The following ANO2 variants were observed in gnomAD, a reference collection of about 807,000 sequenced individuals.
The protein encoded by ANO2 is anoctamin-2.
In ANO2, 101 loss-of-function variants were observed where a neutral mutation model predicts 124.2. The ratio of observed to expected loss-of-function variants is 0.81; its 90% CI spans 0.69 to 0.96. The LOEUF (loss-of-function observed/expected upper bound fraction) is 0.96, where lower values mean the gene tolerates loss of function less well. Among genes scored for constraint, ANO2 ranks in the 40% least tolerant of loss-of-function variants. ANO2 has a pLI of 0.00. For synonymous variants in ANO2, 486 were observed against 482.5 expected, an observed-to-expected ratio of 1.01 and a Z score of -0.09; for missense variants, 1,293 against 1,274.5, an observed-to-expected ratio of 1.01 and a Z score of -0.22.
At chr12:5,806,137 A>C (rs957676167) in intron 8 of ANO2, 44 bp from the exon 9 acceptor site, 2 of 1,578,734 alleles carry the variant, frequency 1.3e-6, no homozygotes, top group Non-Finnish European at 1.7e-6. Context: ...TGAAATTACC[A>C]GAAGCAGGTG....
intron 6 of ANO2, among the ~76,000 whole-genome samples, chr12:5,828,163 G>C (rs1404214982): frequency 6.6e-6 from 1 of 152,222 alleles, no homozygotes; most frequent in African/African-American, 2.4e-5. Context: ...GGGCTGGGAG[G>C]AAGCCCTGGG....
At chr12:5,744,345 G>A (rs1951203153) in intron 11 of ANO2, 28 bp from the exon 12 acceptor site, 1 of 1,613,102 alleles carries the variant, frequency 6.2e-7, no homozygotes, top group Admixed American at 1.7e-5. Context: ...TGTTGGGTCA[G>A]GTGGAGCTCA....
At chr12:5,643,417 A>G (rs1946480738) in intron 15 of ANO2, among the ~76,000 whole-genome samples, 1 of 152,158 alleles carries the variant, frequency 6.6e-6, no homozygotes, top group African/African-American at 2.4e-5. Context: ...ATTTAATTGT[A>G]TGAATATGCC....
At chr12:5,885,738 T>C (rs951533752) in intron 3 of ANO2, among the ~76,000 whole-genome samples, 2 of 152,130 alleles carry the variant, frequency 1.3e-5, no homozygotes, top group African/African-American at 2.4e-5. Context: ...TAATGAGCCA[T>C]GATGGGGATA....
In ANO2 at chr12:5,743,145, G is replaced by A. The variant is rs75833270; in HGVS notation, c.1351+1012C>T. 9.2e-3 allele frequency among the ~76,000 whole-genome samples: 1,399 copies of A among 152,152 alleles called. 22 individuals carry two copies. Among genetic ancestry groups the A allele is most frequent in the African/African-American group, 0.032 (1,330 of 41,494 alleles). Reference sequence around the variant, plus strand: ...TGTTCTAGTTCTCCTAAGAACCACCGAGAACAGGCCTCTCCCTCTCCTCCT... The same window carrying A: ...TGTTCTAGTTCTCCTAAGAACCACCAAGAACAGGCCTCTCCCTCTCCTCCT... On this transcript the variant is annotated intron_variant, in intron 12 of 24. Transcript: ENST00000682330.
chr12:5,690,677 G>A (rs1015943859), intron 14 of ANO2, among the ~76,000 whole-genome samples: 1 of 152,150 alleles, frequency 6.6e-6, no homozygotes, highest in African/African-American at 2.4e-5. Context: ...AGAACACATA[G>A]GCTGGGAGTG....
In ANO2 at chr12:5,916,553, TTAATGA is replaced by T. The variant is rs1941391212; in HGVS notation, c.534+4481_534+4486del. Among the ~76,000 whole-genome samples the T allele has an allele frequency of 2.7e-5, 4 of 150,190 alleles. 1 individual carries two copies. The South Asian group carries it at 8.5e-4, about 32-fold the overall frequency. ...AATCTGAATAAAGTGTGAATTTTAGTTAATGATAATGTGTCAGTATTAGTTCATTAA... is the reference window on the plus strand; with the variant it reads ...AATCTGAATAAAGTGTGAATTTTAGTTAATGTGTCAGTATTAGTTCATTAA... On this transcript the variant is annotated intron_variant, in intron 3 of 24. Transcript: ENST00000682330.
At chr12:5,931,238 A>G (rs2136316588) in intron 1 of ANO2, among the ~76,000 whole-genome samples, 1 of 151,874 alleles carries the variant, frequency 6.6e-6, no homozygotes, top group East Asian at 2.0e-4. Context: ...CCCAACACTC[A>G]TCCACTGCTG....
chr12:5,923,664 C>T (rs191100714), intron 1 of ANO2, among the ~76,000 whole-genome samples: 2 of 152,286 alleles, frequency 1.3e-5, no homozygotes, highest in East Asian at 3.9e-4. Flanking sequence ...AGAAAAATTC[C>T]AGTGTCTCCC....
chr12:5,852,545 C>A (rs893387580), intron 4 of ANO2, among the ~76,000 whole-genome samples: 2 of 152,064 alleles, frequency 1.3e-5, no homozygotes, highest in Non-Finnish European at 2.9e-5. Flanking sequence ...GTAGAGGATT[C>A]ATGATGGTAT....
rs754794132 is a variant in ANO2, at chr12:5,744,259, A to G, written c.1249T>C (p.Cys417Arg). Residue 417 changes from cysteine to arginine, a missense_variant, in exon 12 of 25, where the codon TGT (cysteine) becomes CGT (arginine). Physicochemically the swap from Cys to Arg is radical, Grantham distance 180. Coordinates refer to ENST00000682330, the MANE Select transcript of ANO2 (RefSeq NM_001364791.2). ...GCTGAGCTGAGGTTCCAGTAATCACAGGACTTGTCACACAGGGGACACATG... is the reference window on the plus strand; with the variant it reads ...GCTGAGCTGAGGTTCCAGTAATCACGGGACTTGTCACACAGGGGACACATG... ...FTMCPLCDKS[C>R]DYWNLSSACG... 1.9e-6 allele frequency: 3 copies of G among 1,614,020 alleles called. No individual in the cohort carries two copies. The highest frequency in any genetic ancestry group is 2.5e-6 in the Non-Finnish European group (3 of 1,179,886).
chr12:5,624,862 G>T (rs568914035), intron 16 of ANO2, among the ~76,000 whole-genome samples: 1 of 152,200 alleles, frequency 6.6e-6, no homozygotes, highest in East Asian at 1.9e-4. Context: ...GTCAGGAAAG[G>T]CCTCTGAGGA....
intron 13 of ANO2, among the ~76,000 whole-genome samples, chr12:5,733,581 C>T (rs533132881): frequency 1.0e-3 from 155 of 152,340 alleles, no homozygotes; most frequent in African/African-American, 3.6e-3. Context: ...GTCCTTATCC[C>T]TGTCCATATG....
chr12:5,940,176 A>G (rs7978081), intron 1 of ANO2, among the ~76,000 whole-genome samples: 14,650 of 152,210 alleles, frequency 0.096, 1,122 homozygotes, highest in African/African-American at 0.2. Flanking sequence ...AATGCCACAT[A>G]TCGATGTTGT....
At chr12:5,916,491 T>TAAAAAAAAAAA (rs769233593) in intron 3 of ANO2, among the ~76,000 whole-genome samples, 2,548 of 97,778 alleles carry the variant, frequency 0.026, 167 homozygotes, top group Middle Eastern at 0.053. Flanking sequence ...TCGCAGCAGG[T>TAAAAAAAAAAA]TAAAAAAAAA....
intron 20 of ANO2, among the ~76,000 whole-genome samples, chr12:5,598,070 T>C (rs889293790): frequency 1.3e-5 from 2 of 152,202 alleles, no homozygotes; most frequent in Non-Finnish European, 2.9e-5. Context: ...CCGTCTGATC[T>C]AGACCCTGCC....
At chr12:5,645,782 G>T (rs944652146) in intron 15 of ANO2, among the ~76,000 whole-genome samples, 4 of 152,006 alleles carry the variant, frequency 2.6e-5, no homozygotes, top group African/African-American at 7.3e-5. Context: ...GATTTTTTGA[G>T]GCCTGGCATA....
chr12:5,873,730 G>C (rs972725108), intron 3 of ANO2, among the ~76,000 whole-genome samples: 1 of 152,342 alleles, frequency 6.6e-6, no homozygotes, highest in Non-Finnish European at 1.5e-5. Context: ...TGAGCTAATG[G>C]GGCTGCTTGG....
intron 14 of ANO2, among the ~76,000 whole-genome samples, chr12:5,710,974 C>T (rs1020384605): frequency 2.0e-5 from 3 of 151,770 alleles, no homozygotes; most frequent in Non-Finnish European, 4.4e-5. Flanking sequence ...CTGGCTAACA[C>T]GGTGAAACCC....
Sources: allele counts gnomAD v4.1 joint callset (sites outside exome capture counted in the v4.1 genomes callset), GRCh38; gene constraint gnomAD v4.1.1; transcripts MANE v1.5; gene names NCBI Gene and HGNC (gene_info 2026-07-23, HGNC 2026-07-21).